The following SERPINA6 variants were observed in gnomAD, a reference collection of about 807,000 sequenced individuals.
SERPINA6 encodes corticosteroid-binding globulin.
SERPINA6 carries 19 observed loss-of-function variants against 26.4 expected under a neutral mutation model. The observed-to-expected ratio is 0.72, with a 90% CI of 0.50 to 1.06. The LOEUF is 1.06. Among genes scored for constraint, SERPINA6 ranks in the 50% least tolerant of loss-of-function variants. SERPINA6 has a pLI of 0.00. For missense variants in SERPINA6, 473 were observed against 504.0 expected, an observed-to-expected ratio of 0.94 and a Z score of 0.59; for synonymous variants, 196 against 199.4, an observed-to-expected ratio of 0.98 and a Z score of 0.14.
Position 94,314,396 on chromosome 14 carries a change from T to C in SERPINA6, c.253A>G (p.Thr85Ala). Residue 85 changes from threonine (T) to alanine (A), a missense_variant, in exon 2 of 5, where the codon ACA becomes GCA. Thr to Ala is a moderately conservative substitution (Grantham distance 58). Transcript: ENST00000341584. ...AGGCCCTGGAGAAGCTGGGCCCGTG[T>C]GTGGCCACAGGTGCCCAGGGACAGC... ...AMLSLGTCGH[T>A]RAQLLQGLGF... The C allele has an allele frequency of 1.2e-6, 2 of 1,614,180 alleles. No individual in the cohort carries two copies. The highest frequency in any genetic ancestry group is 1.7e-6 in the Non-Finnish European group (2 of 1,180,028).
intron 4 of SERPINA6, among the ~76,000 whole-genome samples, chr14:94,305,735 C>T (rs1288207004): frequency 6.6e-6 from 1 of 152,098 alleles, no homozygotes; most frequent in Non-Finnish European, 1.5e-5. Flanking sequence ...AGACATTTAC[C>T]ACTTTTCCTG....
chr14:94,310,473 C>T (rs1237785677), intron 2 of SERPINA6, among the ~76,000 whole-genome samples: 1 of 152,160 alleles, frequency 6.6e-6, no homozygotes, highest in African/African-American at 2.4e-5. Flanking sequence ...AATGGTCCTT[C>T]CTTCTAGGCC....
At chr14:94,321,250 C>G (rs1462550067) in intron 1 of SERPINA6, among the ~76,000 whole-genome samples, 1 of 152,054 alleles carries the variant, frequency 6.6e-6, no homozygotes, top group African/African-American at 2.4e-5. Flanking sequence ...GCCCTTTTAC[C>G]CATCTGCAGC....
At chr14:94,307,218 T>C (rs548176814) in intron 3 of SERPINA6, among the ~76,000 whole-genome samples, 1 of 152,260 alleles carries the variant, frequency 6.6e-6, no homozygotes, top group South Asian at 2.1e-4. Context: ...TTTTCTCCTC[T>C]CTCTGTCTCT....
chr14:94,322,867 G>A (rs1247936821), intron 1 of SERPINA6, among the ~76,000 whole-genome samples: 5 of 152,278 alleles, frequency 3.3e-5, no homozygotes, highest in Admixed American at 6.5e-5. Flanking sequence ...GCCCTGACCC[G>A]CGGCCAGCAT....
intron 4 of SERPINA6, among the ~76,000 whole-genome samples, chr14:94,305,093 A>C (rs772879037): frequency 6.6e-6 from 1 of 152,222 alleles, no homozygotes; most frequent in Non-Finnish European, 1.5e-5. Context: ...TGAAGTCAGC[A>C]AAACGTCTGC....
chr14:94,316,098 T>A lies in SERPINA6; in HGVS notation c.-19-1431A>T, dbSNP rs193043030. Among the ~76,000 whole-genome samples, 135 of 152,358 alleles carry A rather than the reference T, an allele frequency of 8.9e-4. 1 individual carries two copies. Among genetic ancestry groups the A allele is most frequent in the Non-Finnish European group, 1.7e-3 (118 of 68,040 alleles). ...CGTTTGTCTTTAAGTATTTTCTAATTCCCCTGGTGGTATCTTTTTTGATCC... is the reference window on the plus strand; with the variant it reads ...CGTTTGTCTTTAAGTATTTTCTAATACCCCTGGTGGTATCTTTTTTGATCC... On this transcript the variant is annotated intron_variant, in intron 1 of 4. Coordinates refer to ENST00000341584, the MANE Select transcript of SERPINA6 (RefSeq NM_001756.4).
At chr14:94,309,189 G>T (rs10498639) in intron 3 of SERPINA6, among the ~76,000 whole-genome samples, 6 of 152,100 alleles carry the variant, frequency 3.9e-5, no homozygotes, top group Admixed American at 3.3e-4. Flanking sequence ...CTACTTACTC[G>T]CTTATTACCT....
intron 1 of SERPINA6, among the ~76,000 whole-genome samples, chr14:94,315,082 G>A (rs1472214009): frequency 6.6e-6 from 1 of 152,168 alleles, no homozygotes; most frequent in African/African-American, 2.4e-5. Flanking sequence ...AAAAACAAAA[G>A]CTGAGTAAGC....
intron 2 of SERPINA6, among the ~76,000 whole-genome samples, chr14:94,313,162 A>G (rs1349156710): frequency 6.6e-6 from 1 of 152,186 alleles, no homozygotes; most frequent in Non-Finnish European, 1.5e-5. Context: ...AAGTGAGGGA[A>G]GATGTTTTAG....
chr14:94,308,926 C>G (rs556256430), intron 3 of SERPINA6, among the ~76,000 whole-genome samples: 3 of 152,158 alleles, frequency 2.0e-5, no homozygotes, highest in African/African-American at 4.8e-5. Flanking sequence ...ACTCACTCAC[C>G]ATTCTATGCA....
At chr14:94,308,174 T>G (rs1430341515) in intron 3 of SERPINA6, among the ~76,000 whole-genome samples, 1 of 152,236 alleles carries the variant, frequency 6.6e-6, no homozygotes, top group Non-Finnish European at 1.5e-5. Context: ...GAAAACAACC[T>G]GCTCTGCAGC....
rs144690136 is a variant in SERPINA6 at position 94,308,123 on chromosome 14, C to G, written c.884+1613G>C. Among the ~76,000 whole-genome samples the G allele has an allele frequency of 2.5e-3, 381 of 152,326 alleles. 2 individuals carry two copies. Among genetic ancestry groups the G allele is most frequent in the African/African-American group, 8.9e-3 (368 of 41,566 alleles). ...CATGTCGGGTCTGGAGGCCACTTCC[C>G]CCTGGCTGAACTTCCATTCACACTC... On this transcript the variant is annotated intron_variant, in intron 3 of 4. Transcript: ENST00000341584.
At chr14:94,311,708 G>A (rs1428409537) in intron 2 of SERPINA6, among the ~76,000 whole-genome samples, 1 of 152,158 alleles carries the variant, frequency 6.6e-6, no homozygotes, top group Non-Finnish European at 1.5e-5. Flanking sequence ...GGGAGGCCGA[G>A]GCGGGTGGAT....
At chr14:94,313,856 A>G in intron 2 of SERPINA6, 180 bp downstream of exon 2, 2 of 816,214 alleles carry the variant, frequency 2.5e-6, no homozygotes, top group South Asian at 1.4e-5. Flanking sequence ...TGTCATTTTG[A>G]TCTTTTGTAA....
At chr14:94,316,132 A>G (rs188874690) in intron 1 of SERPINA6, among the ~76,000 whole-genome samples, 3 of 152,186 alleles carry the variant, frequency 2.0e-5, no homozygotes, top group Admixed American at 6.5e-5. Flanking sequence ...CCTCTGGTTG[A>G]TAAAGAGTGT....
chr14:94,304,504 G>C lies in SERPINA6; in HGVS notation c.1132C>G (p.Arg378Gly). Residue 378 changes from arginine (R) to glycine (G), a missense_variant, in exon 5 of 5, where the codon CGT becomes GGT. Transcript: ENST00000341584. ...LNLTSKPIIL[R>G]FNQPFIIMIF... ...ATGATGATGAAGGGCTGGTTGAAACGCAAGATGATAGGCTTGGACGTCAGG... is the reference window on the plus strand; with the variant it reads ...ATGATGATGAAGGGCTGGTTGAAACCCAAGATGATAGGCTTGGACGTCAGG... The C allele has an allele frequency of 1.9e-6, 3 of 1,614,134 alleles. No homozygotes were observed. The highest frequency in any genetic ancestry group is 2.5e-6 in the Non-Finnish European group (3 of 1,180,014).
intron 2 of SERPINA6, among the ~76,000 whole-genome samples, chr14:94,312,895 T>A (rs1003759344): frequency 1.4e-4 from 21 of 152,194 alleles, no homozygotes; most frequent in African/African-American, 5.1e-4. Context: ...TCCTCTGATC[T>A]GATGATCTTG....
chr14:94,322,055 TG>T (rs1229070551), intron 1 of SERPINA6, among the ~76,000 whole-genome samples: 1 of 152,232 alleles, frequency 6.6e-6, no homozygotes, highest in Non-Finnish European at 1.5e-5. Context: ...TGGGTCATCC[TG>T]GGGCCCATTT....
Sources: gnomAD v4.1 joint callset for allele counts (sites outside exome capture counted in the v4.1 genomes callset) on GRCh38, gnomAD v4.1.1 for gene constraint, MANE v1.5 for transcripts, NCBI Gene and HGNC (gene_info 2026-07-23, HGNC 2026-07-21) for gene names.